LDLRAD3: variants seen among roughly 807,000 people sequenced by gnomAD.
LDLRAD3 encodes the protein low density lipoprotein receptor class A domain containing 3.
Under a neutral mutation model 29.4 loss-of-function variants are expected in LDLRAD3, and 20 were observed. The observed-to-expected ratio is 0.68, with a 90% CI of 0.48 to 0.99. LDLRAD3 has a LOEUF of 0.99. Ranked by LOEUF, LDLRAD3 falls within the 50% of genes least tolerant of loss-of-function variation. The pLI, the probability that LDLRAD3 is intolerant of heterozygous loss-of-function variation, is 0.00. For synonymous variants in LDLRAD3, 157 were observed against 192.7 expected, an observed-to-expected ratio of 0.81 and a Z score of 1.53; for missense variants, 420 against 454.3, an observed-to-expected ratio of 0.92 and a Z score of 0.69.
chr11:36,159,625 A>AAAAAAT (rs756902228), intron 4 of LDLRAD3, among the ~76,000 whole-genome samples: 4 of 132,896 alleles, frequency 3.0e-5, no homozygotes, highest in East Asian at 4.8e-4. Flanking sequence ...AAAAAAAAAA[A>AAAAAAT]AGCCAGATGT....
intron 4 of LDLRAD3, among the ~76,000 whole-genome samples, chr11:36,223,236 A>G (rs1454160224): frequency 6.6e-6 from 1 of 152,204 alleles, no homozygotes; most frequent in African/African-American, 2.4e-5. Context: ...GCCAAAGTGA[A>G]GAGAGGTCTG....
At chr11:35,982,060 C>T (rs73448435) in intron 1 of LDLRAD3, among the ~76,000 whole-genome samples, 4,160 of 152,146 alleles carry the variant, frequency 0.027, 168 homozygotes, top group African/African-American at 0.095. Flanking sequence ...GGAACAGGCA[C>T]TATATTATTA....
intron 1 of LDLRAD3, among the ~76,000 whole-genome samples, chr11:35,957,735 G>T (rs988603208): frequency 1.3e-5 from 2 of 149,144 alleles, no homozygotes; most frequent in African/African-American, 2.5e-5. Flanking sequence ...GACGGAGGTT[G>T]CATGGAGCTG....
At chr11:36,149,215 G>T (rs945753737) in intron 4 of LDLRAD3, among the ~76,000 whole-genome samples, 6 of 152,216 alleles carry the variant, frequency 3.9e-5, no homozygotes, top group African/African-American at 1.4e-4. Flanking sequence ...TTGAGGGAAT[G>T]ATCAGGCACT....
At chr11:36,189,583 T>C (rs930659507) in intron 4 of LDLRAD3, among the ~76,000 whole-genome samples, 1 of 152,036 alleles carries the variant, frequency 6.6e-6, no homozygotes, top group Non-Finnish European at 1.5e-5. Flanking sequence ...TTACTTTTTT[T>C]TTATTATTAT....
chr11:36,088,253 C>G, intron 3 of LDLRAD3, among the ~76,000 whole-genome samples: 1 of 152,160 alleles, frequency 6.6e-6, no homozygotes, highest in East Asian at 1.9e-4. Context: ...CTCTTTCTTC[C>G]GCTGTCCTCA....
chr11:36,162,098 G>A (rs1308177152), intron 4 of LDLRAD3, among the ~76,000 whole-genome samples: 1 of 152,180 alleles, frequency 6.6e-6, no homozygotes, highest in Non-Finnish European at 1.5e-5. Context: ...CAAAATTGGT[G>A]TATAAGCTGT....
chr11:36,034,828 C>T (rs1444282472), intron 1 of LDLRAD3, among the ~76,000 whole-genome samples: 1 of 152,158 alleles, frequency 6.6e-6, no homozygotes, highest in African/African-American at 2.4e-5. Context: ...TACTGGGAGA[C>T]CCAGCAGGCC....
chr11:36,013,014 A>G (rs1331819838), intron 1 of LDLRAD3, among the ~76,000 whole-genome samples: 3 of 152,228 alleles, frequency 2.0e-5, no homozygotes, highest in Non-Finnish European at 4.4e-5. Context: ...ATTTTGTATA[A>G]ATCAGCTTGC....
intron 1 of LDLRAD3, among the ~76,000 whole-genome samples, chr11:36,021,026 A>G (rs908955337): frequency 6.6e-6 from 1 of 152,148 alleles, no homozygotes; most frequent in Admixed American, 6.5e-5. Flanking sequence ...AGGGAGAGGG[A>G]TGGTTGGTGG....
At chr11:36,000,987 T>A (rs1292382667) in intron 1 of LDLRAD3, 1 of 152,212 alleles carries the variant, frequency 6.6e-6, no homozygotes, top group Non-Finnish European at 1.5e-5. Context: ...ACTGAGTCCT[T>A]CACACTCAAG....
intron 4 of LDLRAD3, among the ~76,000 whole-genome samples, chr11:36,154,642 C>G (rs1041053232): frequency 2.6e-5 from 4 of 152,184 alleles, no homozygotes; most frequent in African/African-American, 9.7e-5. Context: ...CTGTAGCCTC[C>G]CATGCAAACC....
rs370890900 is a variant in LDLRAD3 at position 35,944,352 on chromosome 11, C to G, written c.46+208C>G. Among the ~76,000 whole-genome samples, 7 of 151,998 alleles carry G rather than the reference C, an allele frequency of 4.6e-5. 1 individual carries two copies. In the South Asian group the frequency reaches 1.5e-3, roughly 31 times the overall value. ...CGAGCCGTCCTATTGTGTGGGCGTGCGCGCCGGGTCGTGTTGTGCTGTGTG... is the reference window on the plus strand; with the variant it reads ...CGAGCCGTCCTATTGTGTGGGCGTGGGCGCCGGGTCGTGTTGTGCTGTGTG... On this transcript the variant is annotated intron_variant, in intron 1 of 5. Coordinates refer to ENST00000315571, the MANE Select transcript of LDLRAD3 (RefSeq NM_174902.4). The surrounding 1 kb of genome is among the most constrained non-coding windows in gnomAD (Gnocchi z 4.9).
intron 1 of LDLRAD3, among the ~76,000 whole-genome samples, chr11:35,981,253 G>C (rs552644884): frequency 6.9e-4 from 105 of 152,244 alleles, no homozygotes; most frequent in African/African-American, 2.4e-3. Flanking sequence ...GGAGGGTTTT[G>C]TGGTGACAAC....
chr11:36,159,906 C>G (rs1854412974), intron 4 of LDLRAD3, among the ~76,000 whole-genome samples: 1 of 152,188 alleles, frequency 6.6e-6, no homozygotes, highest in Admixed American at 6.5e-5. Context: ...GTCTTATGTT[C>G]CCTGCCCAGT....
chr11:36,116,254 C>G (rs187599953), intron 4 of LDLRAD3, among the ~76,000 whole-genome samples: 3 of 152,356 alleles, frequency 2.0e-5, no homozygotes, highest in Non-Finnish European at 4.4e-5. Context: ...AGATGGGTTC[C>G]CCAGTGTACT....
intron 1 of LDLRAD3, among the ~76,000 whole-genome samples, chr11:35,982,567 A>G (rs1226358919): frequency 1.3e-5 from 2 of 152,196 alleles, no homozygotes; most frequent in Admixed American, 6.5e-5. Flanking sequence ...TAATTTGCAC[A>G]AAGTAGCCTA....
At position 36,044,711 on chromosome 11, in the gene LDLRAD3, A is replaced by G. The variant is rs1852424710; in HGVS notation, c.193+8462A>G. Among the ~76,000 whole-genome samples the G allele has an allele frequency of 2.0e-5, 3 of 152,202 alleles. No homozygotes were observed. The South Asian group carries it at 6.2e-4, about 32-fold the overall frequency. On this transcript the variant is annotated intron_variant, in intron 2 of 5. Coordinates refer to ENST00000315571, the MANE Select transcript of LDLRAD3 (RefSeq NM_174902.4). The stretch of plus-strand genomic sequence containing the variant: ...CCAGCCAGATGCCCAAACTGGTGCA[A>G]AAGGGAAGGAAACAAACATTTGAGG...
At chr11:36,143,884 A>G (rs1854123068) in intron 4 of LDLRAD3, among the ~76,000 whole-genome samples, 1 of 151,862 alleles carries the variant, frequency 6.6e-6, no homozygotes, top group Non-Finnish European at 1.5e-5. Context: ...ATGCAGTCGC[A>G]TTCTAAAGTG....
Sources: gnomAD v4.1 joint callset for allele counts (sites outside exome capture counted in the v4.1 genomes callset) on GRCh38, gnomAD v4.1.1 for gene constraint, Gnocchi (gnomAD v3.1) non-coding constraint, MANE v1.5 for transcripts, NCBI Gene and HGNC (gene_info 2026-07-23, HGNC 2026-07-21) for gene names.